LUZP1: variants seen among roughly 807,000 people sequenced by gnomAD.
LUZP1 encodes the protein leucine zipper protein 1.
Under a neutral mutation model 71.3 loss-of-function variants are expected in LUZP1, and 25 were observed. That is an observed-to-expected ratio of 0.35 (90% CI 0.26 to 0.49). The LOEUF is 0.49. Ranked by LOEUF, LUZP1 falls within the 20% of genes least tolerant of loss-of-function variation. The probability of loss-of-function intolerance (pLI) is 0.99; values close to 1 mark genes in which losing one functional copy is unlikely to be tolerated. For synonymous variants in LUZP1, 481 were observed against 506.4 expected (o/e 0.95, Z 0.67); for missense variants, 1,142 against 1,300.8 (o/e 0.88, Z 1.88).
chr1:23,170,070 C>T (rs910616246), intron 1 of LUZP1, among the ~76,000 whole-genome samples: 1 of 152,182 alleles, frequency 6.6e-6, no homozygotes, highest in Non-Finnish European at 1.5e-5. Context: ...AAGCTCTTCC[C>T]CTGCTGTCTC....
chr1:23,111,813 CCA>C (rs893583762), intron 2 of LUZP1, among the ~76,000 whole-genome samples: 6 of 151,696 alleles, frequency 4.0e-5, no homozygotes, highest in Non-Finnish European at 5.9e-5. Flanking sequence ...CACCGCCCCC[CCA>C]CACACACACT....
chr1:23,085,408 G>A (rs1337645559), exon 5 of LUZP1: 1 of 152,554 alleles, frequency 6.6e-6, no homozygotes, highest in Admixed American at 6.5e-5. Context: ...ATGATCCTAT[G>A]GTTGTGAGGC....
exon 5 of LUZP1, chr1:23,084,183 C>T (rs1418424421): frequency 1.3e-5 from 2 of 152,146 alleles, no homozygotes; most frequent in African/African-American, 2.4e-5. Context: ...TTGCCACAAA[C>T]TTAGTGGCTC....
chr1:23,157,747 C>T (rs552225851), intron 2 of LUZP1, among the ~76,000 whole-genome samples: 9 of 151,514 alleles, frequency 5.9e-5, no homozygotes, highest in African/African-American at 9.7e-5. Flanking sequence ...GCCAAGATCG[C>T]GCCACTGCAC....
exon 4 of LUZP1, chr1:23,092,317 T>C: frequency 6.2e-7 from 1 of 1,614,230 alleles, no homozygotes; most frequent in Non-Finnish European, 8.5e-7. Flanking sequence ...CTGGATTTGA[T>C]GACTCGACAC....
intron 2 of LUZP1, among the ~76,000 whole-genome samples, chr1:23,166,112 AAAG>A (rs1644508194): frequency 6.6e-6 from 1 of 152,136 alleles, no homozygotes; most frequent in Admixed American, 6.5e-5. Context: ...AACACTGCTG[AAAG>A]AAAAGGCAAT....
chr1:23,092,910 G>T, exon 4 of LUZP1: 1 of 1,613,854 alleles, frequency 6.2e-7, no homozygotes, highest in South Asian at 1.1e-5. Flanking sequence ...CCGGTCTTCA[G>T]TTTTCTTTGT....
At chr1:23,118,633 G>C (rs889464836) in intron 2 of LUZP1, among the ~76,000 whole-genome samples, 2 of 152,118 alleles carry the variant, frequency 1.3e-5, no homozygotes, top group African/African-American at 4.8e-5. Context: ...AGGTACAGTG[G>C]GTCTACCTTT....
intron 2 of LUZP1, among the ~76,000 whole-genome samples, chr1:23,134,697 T>C (rs1330607800): frequency 6.6e-6 from 1 of 151,992 alleles, no homozygotes; most frequent in African/African-American, 2.4e-5. Flanking sequence ...GTAAGAGAAT[T>C]GCTTGAGCCC....
Position 23,094,483 on chromosome 1 carries a change from C to CATAG in LUZP1, c.-119-107_-119-104dup. 1 of 766,272 alleles carries CATAG rather than the reference C, an allele frequency of 1.3e-6. No homozygotes were observed. Among genetic ancestry groups the CATAG allele is most frequent in the East Asian group, 3.4e-5 (1 of 29,510 alleles). 47.5% of individuals were successfully genotyped at this position (766,272 alleles called of 1,614,324 possible). On this transcript the variant is annotated intron_variant, in intron 3 of 4. Transcript: ENST00000302291. This position sits in a 1 kb window ranked among gnomAD's most constrained non-coding sequence, Gnocchi z 4.7. ...TCCTATCTGTTCCTGGTGCCTGGAT[C>CATAG]ATAGCAGGGGCTCAAACCTGTTGAA...
rs1359829220 is a variant in LUZP1 at position 23,086,896 on chromosome 1, A to AT, written c.*1998dup. 3 of 152,566 alleles carry AT rather than the reference A, an allele frequency of 2.0e-5. No individual in the cohort carries two copies. The East Asian group carries it at 5.8e-4, about 29-fold the overall frequency. 9.5% of individuals were successfully genotyped at this position (152,566 alleles called of 1,614,324 possible). A position where few individuals can be genotyped will look rare whatever the true frequency, so the allele number is the denominator to read the frequency against. On this transcript the variant is annotated 3_prime_UTR_variant, in exon 5 of 5. Transcript: ENST00000302291. ...TGGGAAGCAGAAGTATGAGCAATAG[A>AT]TTCCTGTCCCTGAAAGTAAGGTAGG...
intron 2 of LUZP1, among the ~76,000 whole-genome samples, chr1:23,126,900 T>A (rs142131937): frequency 6.6e-6 from 1 of 152,246 alleles, no homozygotes; most frequent in Non-Finnish European, 1.5e-5. Context: ...AGCCTACAGA[T>A]AGATGTTTCC....
intron 1 of LUZP1, among the ~76,000 whole-genome samples, chr1:23,176,938 G>A (rs1644585819): frequency 6.6e-6 from 1 of 152,136 alleles, no homozygotes; most frequent in African/African-American, 2.4e-5. Context: ...CTGCAGTGCA[G>A]TGACACAATC....
intron 2 of LUZP1, among the ~76,000 whole-genome samples, chr1:23,147,579 G>A (rs1178704318): frequency 1.6e-5 from 2 of 128,926 alleles, no homozygotes; most frequent in African/African-American, 3.0e-5. Context: ...TTTGAAACCA[G>A]CCTGGGCAAC....
chr1:23,159,866 G>C (rs573286940), intron 2 of LUZP1, among the ~76,000 whole-genome samples: 1 of 152,142 alleles, frequency 6.6e-6, no homozygotes, highest in Non-Finnish European at 1.5e-5. Flanking sequence ...TGCGCCTGTA[G>C]TTCCAGCTAC....
chr1:23,172,675 C>T (rs1054358922), intron 1 of LUZP1, among the ~76,000 whole-genome samples: 2 of 151,620 alleles, frequency 1.3e-5, no homozygotes, highest in East Asian at 3.9e-4. Context: ...CCACCACACC[C>T]GGGTAATTTT....
intron 2 of LUZP1, among the ~76,000 whole-genome samples, chr1:23,168,254 C>T (rs1323519072): frequency 6.7e-6 from 1 of 149,186 alleles, no homozygotes; most frequent in Non-Finnish European, 1.5e-5. Flanking sequence ...CTGCAGCTCC[C>T]GGGCCCTTCC....
At chr1:23,131,939 G>C (rs1215441067) in intron 2 of LUZP1, among the ~76,000 whole-genome samples, 1 of 152,106 alleles carries the variant, frequency 6.6e-6, no homozygotes, top group Non-Finnish European at 1.5e-5. Flanking sequence ...ACCTACCTCG[G>C]CCTCCCAAAG....
intron 2 of LUZP1, among the ~76,000 whole-genome samples, chr1:23,154,584 C>G (rs1010479517): frequency 1.3e-5 from 2 of 151,890 alleles, no homozygotes; most frequent in Non-Finnish European, 2.9e-5. Flanking sequence ...GCTCTGTCGC[C>G]CAGGCTGGAG....
Sources: gnomAD v4.1 joint callset for allele counts (sites outside exome capture counted in the v4.1 genomes callset) on GRCh38, gnomAD v4.1.1 for gene constraint, Gnocchi (gnomAD v3.1) non-coding constraint, MANE v1.5 for transcripts, NCBI Gene and HGNC (gene_info 2026-07-23, HGNC 2026-07-21) for gene names.